The following EML5 variants were observed in gnomAD, a reference collection of about 807,000 sequenced individuals.
The protein encoded by EML5 is EMAP like 5.
In EML5, 120 loss-of-function variants were observed where a neutral mutation model predicts 250.0. The observed-to-expected ratio is 0.48, with a 90% CI of 0.41 to 0.56. The LOEUF (loss-of-function observed/expected upper bound fraction) is 0.56, where lower values mean the gene tolerates loss of function less well. Among genes scored for constraint, EML5 ranks in the 20% least tolerant of loss-of-function variants. The pLI, the probability that EML5 is intolerant of heterozygous loss-of-function variation, is 0.00. For synonymous variants in EML5, 771 were observed against 806.5 expected, an observed-to-expected ratio of 0.96 and a Z score of 0.75; for missense variants, 2,006 against 2,437.6, an observed-to-expected ratio of 0.82 and a Z score of 3.73.
At chr14:88,702,041 C>A (rs2093222161) in intron 14 of EML5, among the ~76,000 whole-genome samples, 1 of 152,044 alleles carries the variant, frequency 6.6e-6, no homozygotes, top group African/African-American at 2.4e-5. Flanking sequence ...AGATTACTAT[C>A]ATGGTTGTAA....
intron 36 of EML5, chr14:88,623,943 A>G (rs1399991268): frequency 6.6e-6 from 1 of 152,242 alleles, no homozygotes; most frequent in African/African-American, 2.4e-5. Flanking sequence ...CTTGTCTGAA[A>G]GCATGCCTAT....
intron 29 of EML5, among the ~76,000 whole-genome samples, chr14:88,645,586 C>T (rs1420019029): frequency 6.6e-6 from 1 of 152,112 alleles, no homozygotes; most frequent in Non-Finnish European, 1.5e-5. Context: ...TAAATCACAT[C>T]CGAGTTCAAA....
rs561651082 is a variant in EML5 at position 88,740,765 on chromosome 14, T to C, written c.526-193A>G. On this transcript the variant is annotated intron_variant, in intron 4 of 43. Transcript: ENST00000554922. ...AAAGCTACGTTATAGCATAGCTATA[T>C]AGTCACTGGTTTCAATTCTTATCTG... Among the ~76,000 whole-genome samples the C allele has an allele frequency of 5.3e-5, 8 of 152,334 alleles. No individual in the cohort carries two copies. The East Asian group carries it at 7.7e-4, about 15-fold the overall frequency.
chr14:88,756,522 C>G (rs1331579985), intron 1 of EML5, among the ~76,000 whole-genome samples: 2 of 151,798 alleles, frequency 1.3e-5, no homozygotes, highest in Non-Finnish European at 2.9e-5. Flanking sequence ...GGAAAAGGAA[C>G]AAAAAGTAAA....
intron 13 of EML5, among the ~76,000 whole-genome samples, chr14:88,703,844 T>A (rs1027996539): frequency 2.0e-5 from 3 of 152,132 alleles, no homozygotes; most frequent in African/African-American, 7.2e-5. Flanking sequence ...ATTAGACATA[T>A]TGAGGGGAGA....
intron 17 of EML5, among the ~76,000 whole-genome samples, chr14:88,689,337 A>G (rs1470651593): frequency 2.6e-5 from 4 of 152,066 alleles, no homozygotes; most frequent in Admixed American, 1.3e-4. Flanking sequence ...ACCAATGTAC[A>G]CTCCTACGAA....
intron 8 of EML5, 134 bp downstream of exon 8, chr14:88,726,407 A>G: frequency 1.1e-5 from 6 of 532,582 alleles, no homozygotes; most frequent in Non-Finnish European, 1.8e-5. Context: ...ATATATTAAT[A>G]AGAAGGGGAA....
chr14:88,669,569 T>A (rs2092401667), intron 21 of EML5, among the ~76,000 whole-genome samples: 1 of 152,088 alleles, frequency 6.6e-6, no homozygotes. Context: ...AGCCAGAGGT[T>A]TGTGGACAGA....
At chr14:88,673,582 A>G (rs2092522790) in intron 21 of EML5, among the ~76,000 whole-genome samples, 1 of 152,252 alleles carries the variant, frequency 6.6e-6, no homozygotes, top group Admixed American at 6.5e-5. Context: ...AGAGGAAGTA[A>G]AACTGTTTTC....
rs574091343 is a variant in EML5 at position 88,760,436 on chromosome 14, C to T, written c.198-5765G>A. Among the ~76,000 whole-genome samples, 3 of 152,132 alleles carry T rather than the reference C, an allele frequency of 2.0e-5. No individual in the cohort carries two copies. The South Asian group carries it at 6.2e-4, about 32-fold the overall frequency. Reference sequence around the variant, plus strand: ...AAGACTATCTTTTCTCCATTGACTTCCCCAAGCACTTTTGTCAAAAATCAA... The same window carrying T: ...AAGACTATCTTTTCTCCATTGACTTTCCCAAGCACTTTTGTCAAAAATCAA... On this transcript the variant is annotated intron_variant, in intron 1 of 43. Transcript: ENST00000554922.
At chr14:88,667,279 CTCTCCTTTT>C (rs1437931118) in intron 21 of EML5, among the ~76,000 whole-genome samples, 2 of 152,008 alleles carry the variant, frequency 1.3e-5, no homozygotes, top group African/African-American at 4.8e-5. Context: ...TTTGACTTTT[CTCTCCTTTT>C]TCTCCTTCAT....
intron 8 of EML5, among the ~76,000 whole-genome samples, chr14:88,718,775 G>C (rs2093543757): frequency 2.0e-5 from 3 of 152,114 alleles, no homozygotes; most frequent in Admixed American, 2.0e-4. Context: ...GAGAGACTTT[G>C]GTTTGAGGCA....
chr14:88,712,069 A>G (rs2093417552), intron 10 of EML5, among the ~76,000 whole-genome samples: 2 of 152,272 alleles, frequency 1.3e-5, no homozygotes, highest in African/African-American at 2.4e-5. Context: ...ATATGAATTC[A>G]AAAAGAATTT....
intron 41 of EML5, 147 bp from the exon 42 acceptor site, chr14:88,617,026 C>T (rs2087743040): frequency 3.3e-6 from 2 of 606,872 alleles, no homozygotes; most frequent in Non-Finnish European, 5.4e-6. Flanking sequence ...GTTTGGAGAC[C>T]TGAATTTCAT....
chr14:88,622,757 G>A, intron 36 of EML5, 39 bp from the exon 37 acceptor site: 1 of 1,425,018 alleles, frequency 7.0e-7, no homozygotes, highest in Non-Finnish European at 9.5e-7. Context: ...GTTCATTATT[G>A]GCTACTATAA....
intron 1 of EML5, among the ~76,000 whole-genome samples, chr14:88,762,997 A>G (rs1000866077): frequency 2.0e-5 from 3 of 152,228 alleles, no homozygotes; most frequent in African/African-American, 7.2e-5. Context: ...TCTCTGGGAC[A>G]CAGCTAAAGA....
chr14:88,633,710 A>C (rs1261446223), intron 33 of EML5, among the ~76,000 whole-genome samples: 1 of 152,166 alleles, frequency 6.6e-6, no homozygotes, highest in African/African-American at 2.4e-5. Flanking sequence ...CACAGAACAT[A>C]TATAACTTCA....
intron 31 of EML5, among the ~76,000 whole-genome samples, chr14:88,642,033 T>C (rs1003052259): frequency 3.3e-5 from 5 of 152,188 alleles, no homozygotes; most frequent in African/African-American, 1.2e-4. Context: ...TGTGTGATCC[T>C]GGTGAATCCT....
intron 21 of EML5, among the ~76,000 whole-genome samples, chr14:88,679,051 A>C (rs976360542): frequency 6.6e-6 from 1 of 151,440 alleles, no homozygotes; most frequent in Non-Finnish European, 1.5e-5. Flanking sequence ...ACATCACTCC[A>C]ATCCTCTGCT....
Sources: allele counts gnomAD v4.1 joint callset (sites outside exome capture counted in the v4.1 genomes callset), GRCh38; gene constraint gnomAD v4.1.1; transcripts MANE v1.5; gene names NCBI Gene and HGNC (gene_info 2026-07-23, HGNC 2026-07-21).